Variants in ATP6V0A4 observed in about 807,000 individuals in gnomAD.
ATP6V0A4 encodes V-type proton ATPase 116 kDa subunit a 4.
ATP6V0A4 carries 86 observed loss-of-function variants against 107.3 expected under a neutral mutation model. That is an observed-to-expected ratio of 0.80 (90% confidence interval 0.67 to 0.96). The LOEUF (loss-of-function observed/expected upper bound fraction) is 0.96, where lower values mean the gene tolerates loss of function less well. Among genes scored for constraint, ATP6V0A4 ranks in the 40% least tolerant of loss-of-function variants. The probability of loss-of-function intolerance (pLI) is 0.00; values close to 1 mark genes in which losing one functional copy is unlikely to be tolerated. For synonymous variants in ATP6V0A4, 353 were observed against 381.4 expected (o/e 0.93, Z 0.87); for missense variants, 908 against 1,045.6 (o/e 0.87, Z 1.81).
intron 13 of ATP6V0A4, 86 bp downstream of exon 13, chr7:138,747,339 A>C: frequency 2.0e-6 from 3 of 1,511,952 alleles, no homozygotes; most frequent in Non-Finnish European, 2.8e-6. Context: ...TTTTTCATAA[A>C]AATGTGTTAT....
rs970215690 is a variant in ATP6V0A4 at position 138,791,050 on chromosome 7, T to C, written c.-120-4790A>G. 4.6e-5 allele frequency among the ~76,000 whole-genome samples: 7 copies of C among 152,112 alleles called. No homozygotes were observed. The South Asian group carries it at 1.4e-3, about 32-fold the overall frequency. ...TGGAAATAAACGAATGGGAAAAGAA[T>C]GGCGAAGACTGAGGTTATCAGACAC... is the stretch of plus-strand genomic sequence containing the variant. On this transcript the variant is annotated intron_variant, in intron 1 of 21. Transcript: ENST00000310018.
chr7:138,759,236 G>C (rs1351915035), intron 8 of ATP6V0A4, among the ~76,000 whole-genome samples: 1 of 150,792 alleles, frequency 6.6e-6, no homozygotes, highest in African/African-American at 2.4e-5. Context: ...ACTTTTTTTT[G>C]TAGAGATGTT....
At chr7:138,737,745 C>T (rs914739787) in intron 15 of ATP6V0A4, among the ~76,000 whole-genome samples, 1 of 146,242 alleles carries the variant, frequency 6.8e-6, no homozygotes, top group African/African-American at 2.5e-5. Flanking sequence ...CCATGCCTGG[C>T]TAATTTTGGT....
rs1804840214 is a variant in ATP6V0A4, at chr7:138,728,767, T to G, written c.2004A>C (p.Lys668Asn). 1 of 1,614,210 alleles carries G rather than the reference T, an allele frequency of 6.2e-7. No homozygotes were observed. Among genetic ancestry groups the G allele is most frequent in the South Asian group, 1.1e-5 (1 of 91,082 alleles). ...TGAAACAAACAGCCCTTACCTGGGA[T>G]TTCCGATGACTGGCTCTAAGAATAA... ...KPFILRASHR[K>N]SQLQASRIQE... Residue 668 changes from lysine to asparagine, a missense_variant, in exon 18 of 22, where the codon AAA becomes AAC. Coordinates refer to ENST00000310018, the MANE Select transcript of ATP6V0A4 (RefSeq NM_020632.3).
intron 14 of ATP6V0A4, among the ~76,000 whole-genome samples, chr7:138,743,495 A>G (rs983546786): frequency 2.6e-5 from 4 of 152,016 alleles, no homozygotes; most frequent in African/African-American, 9.7e-5. Context: ...AAAAAAATAA[A>G]TAAACCCAGG....
At chr7:138,778,861 C>T (rs1331386670) in intron 2 of ATP6V0A4, among the ~76,000 whole-genome samples, 1 of 152,100 alleles carries the variant, frequency 6.6e-6, no homozygotes, top group Non-Finnish European at 1.5e-5. Flanking sequence ...ACTTTTACCC[C>T]CATCCATTGG....
At chr7:138,762,182 A>G (rs1806854577) in intron 7 of ATP6V0A4, among the ~76,000 whole-genome samples, 158 bp downstream of exon 7, 1 of 152,020 alleles carries the variant, frequency 6.6e-6, no homozygotes. Flanking sequence ...GACTCCACCA[A>G]CCTAGTAAGT....
At chr7:138,745,413 A>G (rs1174297409) in intron 13 of ATP6V0A4, 133 bp from the exon 14 acceptor site, 4 of 1,325,936 alleles carry the variant, frequency 3.0e-6, no homozygotes, top group Admixed American at 1.8e-5. Context: ...CACAGCAGAC[A>G]TCAATCATCC....
chr7:138,733,697 C>T (rs1223723718), intron 16 of ATP6V0A4, among the ~76,000 whole-genome samples: 1 of 151,546 alleles, frequency 6.6e-6, no homozygotes, highest in East Asian at 1.9e-4. Flanking sequence ...CCTGCCCCAG[C>T]CTCCTAAGTA....
rs1563020716 is a variant in ATP6V0A4 at position 138,784,235 on chromosome 7, CGTATATATAT to C, written c.-18+1913_-18+1922del. 1.6e-3 allele frequency among the ~76,000 whole-genome samples: 146 copies of C among 91,032 alleles called. 2 individuals carry two copies. The highest frequency in any genetic ancestry group is 2.3e-3 in the East Asian group (9 of 3,874). The allele number at this position is 91,032 out of a possible 152,430, so 59.7% of individuals were successfully genotyped here. A position where few individuals can be genotyped will look rare whatever the true frequency, so the allele number is the denominator to read the frequency against. On this transcript the variant is annotated intron_variant, in intron 2 of 21. Coordinates refer to ENST00000310018, the MANE Select transcript of ATP6V0A4 (RefSeq NM_020632.3). ...AACATTATATATATATATATATATA[CGTATATATAT>C]ATATATACATATATATATATACATA...
chr7:138,763,212 CGT>C, intron 5 of ATP6V0A4, 187 bp from the exon 6 acceptor site: 1 of 337,464 alleles, frequency 3.0e-6, no homozygotes, highest in South Asian at 1.2e-4. Context: ...CACACACACA[CGT>C]GCATGCTCTC....
At chr7:138,718,619 T>A (rs1355410294) in intron 19 of ATP6V0A4, among the ~76,000 whole-genome samples, 2 of 32,442 alleles carry the variant, frequency 6.2e-5, no homozygotes, top group African/African-American at 3.2e-4. Context: ...TGGGGAGGAA[T>A]GGGGAGGTGC....
At chr7:138,768,172 T>C (rs1159698857) in intron 5 of ATP6V0A4, among the ~76,000 whole-genome samples, 3 of 152,154 alleles carry the variant, frequency 2.0e-5, no homozygotes, top group Non-Finnish European at 4.4e-5. Context: ...GACTTCGTGA[T>C]CCGCCTGCCT....
In ATP6V0A4 at chr7:138,755,688, C is replaced by G; in HGVS notation, c.816+1G>C. ...ACCATGCGCCCAAACCCCTCACTCACGGTGATTAAATCTTCCAGCCTCACA... is the reference window on the plus strand; with the variant it reads ...ACCATGCGCCCAAACCCCTCACTCAGGGTGATTAAATCTTCCAGCCTCACA... On this transcript the variant is annotated splice_donor_variant, in intron 10 of 21. Transcript: ENST00000310018. LOFTEE classifies it high-confidence loss of function. 1.2e-6 allele frequency: 2 copies of G among 1,613,720 alleles called. No individual in the cohort carries two copies. The highest frequency in any genetic ancestry group is 1.7e-6 in the Non-Finnish European group (2 of 1,180,012).
At chr7:138,737,182 A>T (rs1386931890) in intron 15 of ATP6V0A4, among the ~76,000 whole-genome samples, 1 of 141,156 alleles carries the variant, frequency 7.1e-6, no homozygotes, top group African/African-American at 2.7e-5. Flanking sequence ...GTCCCACCCA[A>T]ATTTCATCTT....
chr7:138,740,430 T>C (rs1043995769), intron 14 of ATP6V0A4, among the ~76,000 whole-genome samples: 1 of 151,032 alleles, frequency 6.6e-6, no homozygotes, highest in Admixed American at 6.6e-5. Flanking sequence ...ATTTCTTTTT[T>C]TTTTTTTTTT....
chr7:138,794,675 C>A (rs1808573575), intron 1 of ATP6V0A4, among the ~76,000 whole-genome samples: 1 of 151,744 alleles, frequency 6.6e-6, no homozygotes, highest in Non-Finnish European at 1.5e-5. Flanking sequence ...AAAAAAAAGT[C>A]TTGAGAAAGT....
chr7:138,723,523 C>CTTTTTT (rs10528520), intron 18 of ATP6V0A4, among the ~76,000 whole-genome samples: 288 of 128,026 alleles, frequency 2.2e-3, no homozygotes, highest in Non-Finnish European at 3.1e-3. Flanking sequence ...TCTTTCTTTT[C>CTTTTTT]TTTTTTTTTT....
At chr7:138,741,643 C>CCAA (rs1805639189) in intron 14 of ATP6V0A4, among the ~76,000 whole-genome samples, 3 of 152,278 alleles carry the variant, frequency 2.0e-5, no homozygotes, top group African/African-American at 7.2e-5. Flanking sequence ...CAAAAATGAC[C>CCAA]CAACATCCCC....
Sources: allele counts gnomAD v4.1 joint callset (sites outside exome capture counted in the v4.1 genomes callset), GRCh38; gene constraint gnomAD v4.1.1; transcripts MANE v1.5; gene names NCBI Gene and HGNC (gene_info 2026-07-23, HGNC 2026-07-21).